Variants in MAP2K6 observed in about 807,000 individuals in gnomAD.
MAP2K6 encodes the protein dual specificity mitogen-activated protein kinase kinase 6.
In MAP2K6, 16 loss-of-function variants were observed where a neutral mutation model predicts 53.7. The observed-to-expected ratio is 0.30, with a 90% CI of 0.20 to 0.45. The LOEUF (loss-of-function observed/expected upper bound fraction) is 0.45. Ranked by LOEUF, MAP2K6 falls within the 20% of genes least tolerant of loss-of-function variation. The pLI is 1.00. For synonymous variants in MAP2K6, 132 were observed against 143.1 expected (o/e 0.92, Z 0.55); for missense variants, 204 against 411.9 (o/e 0.50, Z 4.37).
At chr17:69,456,447 T>A (rs1907413973) in intron 1 of MAP2K6, among the ~76,000 whole-genome samples, 1 of 152,214 alleles carries the variant, frequency 6.6e-6, no homozygotes, top group Non-Finnish European at 1.5e-5. Context: ...ATTCTAGAGA[T>A]TGGCTTGAAT....
At chr17:69,477,368 G>A (rs778250820) in intron 1 of MAP2K6, 1 of 152,218 alleles carries the variant, frequency 6.6e-6, no homozygotes, top group Non-Finnish European at 1.5e-5. Context: ...GGTCCCACAT[G>A]TTTTAGCTCC....
chr17:69,443,379 A>G (rs965397241), intron 1 of MAP2K6, among the ~76,000 whole-genome samples: 1 of 152,154 alleles, frequency 6.6e-6, no homozygotes, highest in African/African-American at 2.4e-5. Flanking sequence ...CCATTTGGCC[A>G]GGTTACAAGC....
At chr17:69,463,692 AT>A (rs1257853705) in intron 1 of MAP2K6, among the ~76,000 whole-genome samples, 1 of 151,452 alleles carries the variant, frequency 6.6e-6, no homozygotes, top group Admixed American at 6.6e-5. Context: ...ACACACACAT[AT>A]ATACACACAA....
chr17:69,533,357 TA>T (rs1293997085), intron 10 of MAP2K6, among the ~76,000 whole-genome samples: 4 of 152,260 alleles, frequency 2.6e-5, no homozygotes, highest in African/African-American at 9.6e-5. Flanking sequence ...TGGAGATGTT[TA>T]AGCTCATCTA....
In MAP2K6 at chr17:69,548,744, G is replaced by A. The variant is rs1286546810; in HGVS notation, c.*6991G>A. ...TGTTCCTGGTGACTACATAGAAGAT[G>A]TGTTATTTTTCTGAGGTTTAGAAAG... On this transcript the variant is annotated 3_prime_UTR_variant, in exon 12 of 12. Coordinates refer to ENST00000590474, the MANE Select transcript of MAP2K6 (RefSeq NM_002758.4). The A allele has an allele frequency of 1.3e-5, 2 of 152,160 alleles. No individual in the cohort carries two copies. The allele number at this position is 152,160 out of a possible 1,614,324, so 9.4% of individuals were successfully genotyped here.
intron 1 of MAP2K6, among the ~76,000 whole-genome samples, chr17:69,463,257 C>G (rs192082525): frequency 6.6e-5 from 10 of 150,544 alleles, no homozygotes; most frequent in Admixed American, 5.3e-4. Context: ...TTTGCTTTCA[C>G]GTACATATAT....
In MAP2K6 at chr17:69,526,011, TC is replaced by T. The variant is rs536634276; in HGVS notation, c.742-555del. 3.0e-3 allele frequency among the ~76,000 whole-genome samples: 451 copies of T among 152,304 alleles called. 7 individuals are homozygous for T. Among genetic ancestry groups the T allele is most frequent in the Non-Finnish European group, 1.1e-3 (74 of 68,028 alleles). ...AATTATCCACTGTGGTCCTGGCTCCTCCCCAGGCACAGCAGCTGAATAAATC... is the reference window on the plus strand; with the variant it reads ...AATTATCCACTGTGGTCCTGGCTCCTCCCAGGCACAGCAGCTGAATAAATC... On this transcript the variant is annotated intron_variant, in intron 9 of 11. Coordinates refer to ENST00000590474, the MANE Select transcript of MAP2K6 (RefSeq NM_002758.4).
chr17:69,502,083 A>T (rs938730228), intron 1 of MAP2K6: 1 of 773,514 alleles, frequency 1.3e-6, no homozygotes, highest in African/African-American at 1.9e-5. Context: ...GCTGCAGAAC[A>T]TGGTACTGTC....
chr17:69,491,108 TTTCC>T (rs34072741), intron 1 of MAP2K6, among the ~76,000 whole-genome samples: 233 of 148,838 alleles, frequency 1.6e-3, no homozygotes, highest in South Asian at 3.0e-3. Flanking sequence ...CATTGTCTTT[TTTCC>T]TTCCTTCCTT....
chr17:69,419,844 G>A (rs931932484), intron 1 of MAP2K6, among the ~76,000 whole-genome samples: 1 of 151,814 alleles, frequency 6.6e-6, no homozygotes, highest in Non-Finnish European at 1.5e-5. Flanking sequence ...AACCTGGGAG[G>A]TGGAGGTTGC....
chr17:69,532,560 T>C (rs1192459737), intron 10 of MAP2K6, among the ~76,000 whole-genome samples: 1 of 152,256 alleles, frequency 6.6e-6, no homozygotes, highest in East Asian at 1.9e-4. Context: ...AAAGTTGTTA[T>C]TGTATACTGA....
At chr17:69,427,735 T>A (rs552722987) in intron 1 of MAP2K6, among the ~76,000 whole-genome samples, 1 of 152,226 alleles carries the variant, frequency 6.6e-6, no homozygotes, top group South Asian at 2.1e-4. Flanking sequence ...CCCAGCCAGG[T>A]AGAAGACCTG....
At chr17:69,448,987 C>T (rs925515829) in intron 1 of MAP2K6, among the ~76,000 whole-genome samples, 3 of 152,184 alleles carry the variant, frequency 2.0e-5, no homozygotes, top group South Asian at 2.1e-4. Flanking sequence ...GGGCAAAGGC[C>T]GGCACTCCCG....
At chr17:69,455,008 A>G (rs144092707) in intron 1 of MAP2K6, among the ~76,000 whole-genome samples, 442 of 150,832 alleles carry the variant, frequency 2.9e-3, no homozygotes, top group Non-Finnish European at 3.7e-3. Flanking sequence ...CCTAAGCAAG[A>G]GTTGGAGAGT....
At chr17:69,428,699 ACT>A (rs1449752044) in intron 1 of MAP2K6, among the ~76,000 whole-genome samples, 14 of 152,226 alleles carry the variant, frequency 9.2e-5, no homozygotes, top group African/African-American at 3.4e-4. Flanking sequence ...TGGGTGCATA[ACT>A]CAGCCTGGGA....
chr17:69,505,538 G>T, intron 1 of MAP2K6: 1 of 349,174 alleles, frequency 2.9e-6, no homozygotes, highest in Non-Finnish European at 5.3e-6. Flanking sequence ...TTCTCATCCT[G>T]ATGTTTGCCC....
At chr17:69,449,531 G>GCCTTTCTT (rs1297567100) in intron 1 of MAP2K6, among the ~76,000 whole-genome samples, 2 of 103,386 alleles carry the variant, frequency 1.9e-5, no homozygotes, top group Admixed American at 9.9e-5. Context: ...TTCTTTCTTT[G>GCCTTTCTT]TCTTTCTTTC....
chr17:69,443,571 G>A (rs935696469), intron 1 of MAP2K6, among the ~76,000 whole-genome samples: 5 of 152,214 alleles, frequency 3.3e-5, no homozygotes, highest in Non-Finnish European at 5.9e-5. Context: ...AGATGGGTAA[G>A]GACCAGTTTT....
intron 2 of MAP2K6, among the ~76,000 whole-genome samples, chr17:69,512,705 A>G (rs1405475814): frequency 6.6e-6 from 1 of 152,120 alleles, no homozygotes; most frequent in Non-Finnish European, 1.5e-5. Context: ...GAGGTATTAT[A>G]CCTTGATTTC....
Sources: allele counts gnomAD v4.1 joint callset (sites outside exome capture counted in the v4.1 genomes callset), GRCh38; gene constraint gnomAD v4.1.1; transcripts MANE v1.5; gene names NCBI Gene and HGNC (gene_info 2026-07-23, HGNC 2026-07-21).